TMCC1: variants seen among roughly 807,000 people sequenced by gnomAD.
TMCC1 encodes transmembrane and coiled-coil domain family 1.
Under a neutral mutation model 52.4 loss-of-function variants are expected in TMCC1, and 15 were observed. The observed-to-expected ratio is 0.29, with a 90% CI of 0.19 to 0.44. The LOEUF is 0.44. TMCC1 is among the 20% of genes least tolerant of loss of function. The probability of loss-of-function intolerance (pLI) is 1.00; values close to 1 mark genes in which losing one functional copy is unlikely to be tolerated. For missense variants in TMCC1, 503 were observed against 806.0 expected (o/e 0.62, Z 4.55); for synonymous variants, 279 against 301.9 (o/e 0.92, Z 0.79).
chr3:129,824,265 G>A (rs1360363077), intron 4 of TMCC1, among the ~76,000 whole-genome samples: 1 of 152,130 alleles, frequency 6.6e-6, no homozygotes, highest in East Asian at 1.9e-4. Context: ...GAAACTGGGA[G>A]GTGGAGGTTG....
intron 4 of TMCC1, among the ~76,000 whole-genome samples, chr3:129,672,583 G>C (rs1299831816): frequency 6.6e-6 from 1 of 152,118 alleles, no homozygotes; most frequent in South Asian, 2.1e-4. Context: ...CTGAGTGACA[G>C]AGCGAGACCC....
chr3:129,885,707 T>A lies in TMCC1; in HGVS notation c.-434-5148A>T, dbSNP rs115519075. Among the ~76,000 whole-genome samples the A allele has an allele frequency of 2.8e-3, 423 of 152,304 alleles. 1 individual carries two copies. The highest frequency in any genetic ancestry group is 9.7e-3 in the African/African-American group (405 of 41,574). ...TGCCAAATAGATTACAGAATGGGAA[T>A]CCTGCCTACTATCCCTCTGAATACA... On this transcript the variant is annotated intron_variant, in intron 1 of 6. Transcript: ENST00000393238.
At chr3:129,699,012 T>C (rs565296902) in intron 4 of TMCC1, among the ~76,000 whole-genome samples, 1 of 152,100 alleles carries the variant, frequency 6.6e-6, no homozygotes, top group Non-Finnish European at 1.5e-5. Flanking sequence ...TATCCAGATA[T>C]GTAGCAGGGA....
chr3:129,853,769 C>T (rs1258788002), intron 2 of TMCC1, among the ~76,000 whole-genome samples: 1 of 152,026 alleles, frequency 6.6e-6, no homozygotes, highest in Non-Finnish European at 1.5e-5. Context: ...CATCTAAAAC[C>T]TAAATCATGA....
At chr3:129,789,968 A>G (rs927794243) in intron 4 of TMCC1, among the ~76,000 whole-genome samples, 1 of 152,234 alleles carries the variant, frequency 6.6e-6, no homozygotes, top group Non-Finnish European at 1.5e-5. Flanking sequence ...TTTCTCAGCC[A>G]TTAATCTCTT....
intron 2 of TMCC1, among the ~76,000 whole-genome samples, chr3:129,856,525 T>C (rs1398496712): frequency 6.6e-6 from 1 of 152,190 alleles, no homozygotes; most frequent in East Asian, 1.9e-4. Context: ...TTCAAAACTA[T>C]GAATCAACGA....
chr3:129,883,705 G>A (rs1166417026), intron 1 of TMCC1, among the ~76,000 whole-genome samples: 1 of 152,130 alleles, frequency 6.6e-6, no homozygotes, highest in East Asian at 1.9e-4. Context: ...TGGGCTGGGA[G>A]CAGTGGCTCA....
At chr3:129,798,240 C>A (rs868714254) in intron 4 of TMCC1, among the ~76,000 whole-genome samples, 2 of 152,042 alleles carry the variant, frequency 1.3e-5, no homozygotes, top group African/African-American at 4.8e-5. Flanking sequence ...AGGTGATCCG[C>A]CCGCTCAGCC....
intron 4 of TMCC1, among the ~76,000 whole-genome samples, chr3:129,716,651 A>G (rs971408765): frequency 6.6e-6 from 1 of 151,846 alleles, no homozygotes; most frequent in African/African-American, 2.4e-5. Flanking sequence ...GCCTGGCCTC[A>G]GCCACTTTTA....
chr3:129,793,492 G>C (rs1406265626), intron 4 of TMCC1, among the ~76,000 whole-genome samples: 3 of 152,192 alleles, frequency 2.0e-5, no homozygotes, highest in African/African-American at 7.2e-5. Context: ...AATGAACTGT[G>C]ACACAACTGA....
intron 4 of TMCC1, among the ~76,000 whole-genome samples, chr3:129,799,737 G>A (rs965907399): frequency 2.0e-5 from 3 of 152,078 alleles, no homozygotes; most frequent in Admixed American, 1.3e-4. Flanking sequence ...GCATGAACCC[G>A]GGAGGCGGAG....
At chr3:129,881,936 A>G (rs2061480194) in intron 1 of TMCC1, among the ~76,000 whole-genome samples, 1 of 152,194 alleles carries the variant, frequency 6.6e-6, no homozygotes, top group Non-Finnish European at 1.5e-5. Flanking sequence ...CTATTTGGAG[A>G]AATAATAGCC....
chr3:129,778,371 T>C (rs1426887093), intron 4 of TMCC1, among the ~76,000 whole-genome samples: 1 of 152,226 alleles, frequency 6.6e-6, no homozygotes, highest in Admixed American at 6.5e-5. Flanking sequence ...ACAGGAATTC[T>C]AGTTATTATT....
intron 2 of TMCC1, among the ~76,000 whole-genome samples, chr3:129,846,894 A>C (rs1001530012): frequency 2.6e-4 from 29 of 113,652 alleles, no homozygotes; most frequent in African/African-American, 9.1e-4. Flanking sequence ...AAAAAAAAAA[A>C]GGGCAGGAGG....
At position 129,670,969 on chromosome 3, in the gene TMCC1, G is replaced by A; in HGVS notation, c.872C>T (p.Thr291Ile). The A allele has an allele frequency of 6.2e-7, 1 of 1,614,232 alleles. No individual in the cohort carries two copies. Among genetic ancestry groups the A allele is most frequent in the Non-Finnish European group, 8.5e-7 (1 of 1,180,042 alleles). Reference protein sequence around the residue: ...FEKKNQKSAQTILQLQKKLEH... With the variant: ...FEKKNQKSAQIILQLQKKLEH... ...AAGTTTCTTTTGCAGCTGGAGGATAGTTTGGGCAGATTTCTGGTTCTTCTT... is the reference window on the plus strand; with the variant it reads ...AAGTTTCTTTTGCAGCTGGAGGATAATTTGGGCAGATTTCTGGTTCTTCTT... The change falls in exon 5 of 7, where the codon ACT becomes ATT. Residue 291 changes from threonine to isoleucine, a missense_variant. Transcript: ENST00000393238.
chr3:129,827,034 A>G (rs997932269), intron 4 of TMCC1, among the ~76,000 whole-genome samples: 1 of 152,194 alleles, frequency 6.6e-6, no homozygotes, highest in Admixed American at 6.5e-5. Context: ...CTAAATTTCA[A>G]CCATCAGCTA....
At chr3:129,843,695 C>T (rs960896782) in intron 2 of TMCC1, among the ~76,000 whole-genome samples, 1 of 145,966 alleles carries the variant, frequency 6.9e-6, no homozygotes, top group Non-Finnish European at 1.6e-5. Flanking sequence ...AAAACAGATA[C>T]CTAAATAACT....
chr3:129,769,664 C>T (rs771736855), intron 4 of TMCC1, among the ~76,000 whole-genome samples: 1 of 151,296 alleles, frequency 6.6e-6, no homozygotes, highest in Non-Finnish European at 1.5e-5. Context: ...ATTGGACACC[C>T]CTAATCTAAA....
chr3:129,694,516 T>G (rs569293771), intron 4 of TMCC1, among the ~76,000 whole-genome samples: 1 of 152,202 alleles, frequency 6.6e-6, no homozygotes, highest in Non-Finnish European at 1.5e-5. Context: ...CAAGATGAGA[T>G]AGGAGGTCAC....
Sources: gnomAD v4.1 joint callset for allele counts (sites outside exome capture counted in the v4.1 genomes callset) on GRCh38, gnomAD v4.1.1 for gene constraint, MANE v1.5 for transcripts, NCBI Gene and HGNC (gene_info 2026-07-23, HGNC 2026-07-21) for gene names.